Variants in PLA2R1 observed in about 807,000 individuals in gnomAD.
PLA2R1 encodes phospholipase A2 receptor 1.
PLA2R1 carries 158 observed loss-of-function variants against 195.9 expected under a neutral mutation model. The observed-to-expected ratio is 0.81, with a 90% CI of 0.71 to 0.92. The LOEUF (loss-of-function observed/expected upper bound fraction) is 0.92, where lower values mean the gene tolerates loss of function less well. Ranked by LOEUF, PLA2R1 falls within the 40% of genes least tolerant of loss-of-function variation. The pLI is 0.00. For missense variants in PLA2R1, 1,626 were observed against 1,764.6 expected (o/e 0.92, Z 1.41); for synonymous variants, 586 against 598.2 (o/e 0.98, Z 0.30).
chr2:160,060,760 ACT>A (rs1463105046), intron 1 of PLA2R1, among the ~76,000 whole-genome samples: 1 of 152,044 alleles, frequency 6.6e-6, no homozygotes, highest in Non-Finnish European at 1.5e-5. Flanking sequence ...ACCAGCACAT[ACT>A]CTCTGTGTGG....
At chr2:160,033,209 T>C (rs1693968147) in intron 3 of PLA2R1, 77 bp from the exon 4 acceptor site, 4 of 1,139,356 alleles carry the variant, frequency 3.5e-6, no homozygotes, top group Middle Eastern at 2.0e-4. Flanking sequence ...TAAGTCTGAA[T>C]GGAATTATTC....
At chr2:160,051,024 G>A (rs1695181512) in intron 1 of PLA2R1, among the ~76,000 whole-genome samples, 1 of 152,216 alleles carries the variant, frequency 6.6e-6, no homozygotes, top group African/African-American at 2.4e-5. Flanking sequence ...AGTAAGATAA[G>A]ATTTGTACTG....
Position 160,042,843 on chromosome 2 carries a change from ATGTGT to A in PLA2R1, c.494-650_494-646del, listed in dbSNP as rs1558996505. Among the ~76,000 whole-genome samples, 27 of 42,648 alleles carry A rather than the reference ATGTGT, an allele frequency of 6.3e-4. 3 individuals are homozygous for A. The highest frequency in any genetic ancestry group is 1.9e-3 in the East Asian group (3 of 1,612). 28.0% of individuals were successfully genotyped at this position (42,648 alleles called of 152,430 possible). A position where few individuals can be genotyped will look rare whatever the true frequency, so the allele number is the denominator to read the frequency against. ...TGTGTGTGTGTGTGTGTGTGTGTGTATGTGTGAGACAGAGGGAGAGAGAGAGAGAG... is the reference window on the plus strand; with the variant it reads ...TGTGTGTGTGTGTGTGTGTGTGTGTAGAGACAGAGGGAGAGAGAGAGAGAG... On this transcript the variant is annotated intron_variant, in intron 2 of 29. Coordinates refer to ENST00000283243, the MANE Select transcript of PLA2R1 (RefSeq NM_007366.5).
intron 3 of PLA2R1, among the ~76,000 whole-genome samples, chr2:160,034,379 C>A (rs1694046279): frequency 4.6e-5 from 7 of 152,060 alleles, no homozygotes; most frequent in Admixed American, 4.6e-4. Flanking sequence ...AGGCTATCAC[C>A]AAGTAACACT....
intron 1 of PLA2R1, among the ~76,000 whole-genome samples, chr2:160,045,927 G>A (rs912554342): frequency 6.6e-6 from 1 of 152,174 alleles, no homozygotes; most frequent in African/African-American, 2.4e-5. Context: ...CAGGTGTTTT[G>A]TGATATGCCC....
At chr2:159,956,306 A>G (rs773528555) in intron 21 of PLA2R1, among the ~76,000 whole-genome samples, 1 of 152,240 alleles carries the variant, frequency 6.6e-6, no homozygotes, top group Non-Finnish European at 1.5e-5. Flanking sequence ...TCCAAAACCC[A>G]GCAGTTTATA....
intron 3 of PLA2R1, among the ~76,000 whole-genome samples, chr2:160,037,774 A>T (rs1182129246): frequency 6.6e-6 from 1 of 152,164 alleles, no homozygotes; most frequent in Non-Finnish European, 1.5e-5. Flanking sequence ...CTTGGGCTAC[A>T]GTTCAAATAC....
At chr2:159,924,523 A>T in the PLA2R1 span, among the ~76,000 whole-genome samples, 9 of 152,192 alleles carry the variant, frequency 5.9e-5, no homozygotes, top group Non-Finnish European at 1.3e-4. Flanking sequence ...CAAAGATGAA[A>T]GCAGCCAAAA....
At chr2:159,951,877 G>A (rs1687767076) in intron 23 of PLA2R1, among the ~76,000 whole-genome samples, 1 of 152,144 alleles carries the variant, frequency 6.6e-6, no homozygotes, top group African/African-American at 2.4e-5. Flanking sequence ...GGAACTGATG[G>A]TGATCTTCTT....
chr2:160,050,507 G>T (rs1263454387), intron 1 of PLA2R1, among the ~76,000 whole-genome samples: 3 of 152,098 alleles, frequency 2.0e-5, no homozygotes, highest in African/African-American at 7.2e-5. Flanking sequence ...TTCAGTCCAG[G>T]TGTAGCTTTA....
intron 18 of PLA2R1, 97 bp downstream of exon 18, chr2:159,970,051 A>G: frequency 2.7e-6 from 2 of 752,454 alleles, no homozygotes; most frequent in Non-Finnish European, 4.5e-6. Context: ...TAATGTTTGA[A>G]GGGTATTCAA....
chr2:159,975,777 G>A (rs951714749), intron 17 of PLA2R1, among the ~76,000 whole-genome samples: 8 of 152,052 alleles, frequency 5.3e-5, no homozygotes, highest in Admixed American at 1.3e-4. Context: ...TTAAATGATC[G>A]AATGAACCTC....
chr2:159,985,604 G>T (rs959542489), intron 12 of PLA2R1, among the ~76,000 whole-genome samples: 3 of 151,968 alleles, frequency 2.0e-5, no homozygotes, highest in Non-Finnish European at 4.4e-5. Flanking sequence ...CAAATCAACC[G>T]TATGCATCAA....
At chr2:160,011,181 T>C (rs202147543) in intron 10 of PLA2R1, among the ~76,000 whole-genome samples, 3 of 152,210 alleles carry the variant, frequency 2.0e-5, no homozygotes, top group East Asian at 3.8e-4. Flanking sequence ...TTTCTGTCAT[T>C]TGTATGAGGT....
At chr2:159,985,696 A>G (rs990990753) in intron 12 of PLA2R1, among the ~76,000 whole-genome samples, 1 of 151,924 alleles carries the variant, frequency 6.6e-6, no homozygotes, top group African/African-American at 2.4e-5. Flanking sequence ...TAAAAACTTT[A>G]TTTGTTGGTT....
In PLA2R1 at chr2:160,039,368, T is replaced by G. The variant is rs1307552545; in HGVS notation, c.667+2657A>C. ...CTCTAAACAAACCCAGAGAGATTCC[T>G]GTGTGTCATCCTTTTTGCTGAAGAT... On this transcript the variant is annotated intron_variant, in intron 3 of 29. Transcript: ENST00000283243. Among the ~76,000 whole-genome samples, 8 of 152,296 alleles carry G rather than the reference T, an allele frequency of 5.3e-5. No individual in the cohort carries two copies. In the East Asian group the frequency reaches 1.4e-3, roughly 26 times the overall value.
At chr2:159,929,701 C>T (rs541368443), downstream of PLA2R1, among the ~76,000 whole-genome samples, 1 of 152,142 alleles carries the variant, frequency 6.6e-6, no homozygotes, top group Non-Finnish European at 1.5e-5. Context: ...AACTTGTACA[C>T]GCATGTTCAT....
chr2:159,946,825 A>T lies in PLA2R1; in HGVS notation c.3943T>A (p.Leu1315Met), dbSNP rs1394050432. Residue 1315 changes from leucine (L) to methionine (M), a missense_variant, in exon 27 of 30, where the codon TTG becomes ATG. Coordinates refer to ENST00000283243, the MANE Select transcript of PLA2R1 (RefSeq NM_007366.5). The part of the protein sequence containing the change: ...AFGSSVQMVW[L>M]NAQFDGNNET... ...CTGTTACCATCAAATTGAGCATTCAACCAAACCATCTGGACAGAAGAACCA... is the reference window on the plus strand; with the variant it reads ...CTGTTACCATCAAATTGAGCATTCATCCAAACCATCTGGACAGAAGAACCA... 6.2e-7 allele frequency: 1 copy of T among 1,609,524 alleles called. No individual in the cohort carries two copies. Among genetic ancestry groups the T allele is most frequent in the East Asian group, 2.2e-5 (1 of 44,704 alleles).
At chr2:159,951,298 C>T (rs767051800) in intron 24 of PLA2R1, 42 bp downstream of exon 24, 2 of 1,129,590 alleles carry the variant, frequency 1.8e-6, no homozygotes. Flanking sequence ...AGATGCTAAA[C>T]TTAATTATTC....
Sources: allele counts gnomAD v4.1 joint callset (sites outside exome capture counted in the v4.1 genomes callset), GRCh38; gene constraint gnomAD v4.1.1; transcripts MANE v1.5; gene names NCBI Gene and HGNC (gene_info 2026-07-23, HGNC 2026-07-21).